Variants in DENND5B observed in about 807,000 individuals in gnomAD.
The protein encoded by DENND5B is DENN domain containing 5B, also known as DENN domain-containing protein 5B.
A neutral mutation model predicts 140.6 loss-of-function variants in DENND5B; 34 were observed. The observed-to-expected ratio is 0.24, with a 90% CI of 0.18 to 0.32. DENND5B has a LOEUF of 0.32. Among genes scored for constraint, DENND5B ranks in the 10% least tolerant of loss-of-function variants. DENND5B has a pLI of 1.00. For synonymous variants in DENND5B, 551 were observed against 562.1 expected (o/e 0.98, Z 0.28); for missense variants, 1,142 against 1,560.2 (o/e 0.73, Z 4.52).
chr12:31,395,993 G>T (rs563085442), intron 17 of DENND5B, among the ~76,000 whole-genome samples: 1 of 139,810 alleles, frequency 7.2e-6, no homozygotes, highest in South Asian at 2.3e-4. Context: ...GTATTCCCTT[G>T]AAATTCTAGG....
At chr12:31,514,442 T>TAC (rs1393947182) in intron 1 of DENND5B, among the ~76,000 whole-genome samples, 4 of 152,314 alleles carry the variant, frequency 2.6e-5, no homozygotes, top group African/African-American at 9.6e-5. Context: ...ACAGGAATAC[T>TAC]ACTGACTTTG....
chr12:31,429,894 A>C (rs1943429767), intron 8 of DENND5B, among the ~76,000 whole-genome samples: 1 of 151,780 alleles, frequency 6.6e-6, no homozygotes, highest in Non-Finnish European at 1.5e-5. Flanking sequence ...TTCAGTACAG[A>C]TGGGGTTTCA....
intron 1 of DENND5B, among the ~76,000 whole-genome samples, chr12:31,575,628 G>C (rs1044440829): frequency 2.0e-5 from 3 of 152,100 alleles, no homozygotes; most frequent in Non-Finnish European, 4.4e-5. Flanking sequence ...GAAATAAAAG[G>C]TACTAAACCC....
chr12:31,496,945 C>T (rs1946783393), intron 1 of DENND5B, among the ~76,000 whole-genome samples: 1 of 152,046 alleles, frequency 6.6e-6, no homozygotes, highest in South Asian at 2.1e-4. Flanking sequence ...TGTTTTCCTA[C>T]TTTTAGAGTT....
chr12:31,589,655 T>C (rs754689110), intron 1 of DENND5B, among the ~76,000 whole-genome samples: 4 of 152,062 alleles, frequency 2.6e-5, no homozygotes, highest in Non-Finnish European at 5.9e-5. Flanking sequence ...AAGGAATTAT[T>C]TGTCCAAAGG....
At chr12:31,536,328 G>A (rs1001338484) in intron 1 of DENND5B, among the ~76,000 whole-genome samples, 3 of 151,988 alleles carry the variant, frequency 2.0e-5, no homozygotes, top group East Asian at 1.9e-4. Context: ...AAGATAACAC[G>A]GAGAAGGAGT....
intron 1 of DENND5B, among the ~76,000 whole-genome samples, chr12:31,527,407 A>G (rs1012199932): frequency 1.3e-5 from 2 of 152,202 alleles, no homozygotes; most frequent in Non-Finnish European, 1.5e-5. Flanking sequence ...CGGCCAGATC[A>G]TATGAGGGAT....
intron 5 of DENND5B, 177 bp downstream of exon 5, chr12:31,451,763 T>G: frequency 1.5e-6 from 1 of 661,650 alleles, no homozygotes; most frequent in African/African-American, 1.8e-5. Context: ...GTAAAAATAC[T>G]TGGTAAAGAA....
At chr12:31,581,693 CA>C (rs139320385) in intron 1 of DENND5B, among the ~76,000 whole-genome samples, 50 of 119,066 alleles carry the variant, frequency 4.2e-4, no homozygotes, top group South Asian at 8.7e-4. Context: ...AACTCTGTCT[CA>C]AAAAAAAAAA....
intron 1 of DENND5B, among the ~76,000 whole-genome samples, chr12:31,567,564 C>T (rs1427934738): frequency 6.7e-6 from 1 of 148,184 alleles, no homozygotes; most frequent in Non-Finnish European, 1.5e-5. Context: ...AATTGGTTTC[C>T]CCACTTCAAA....
chr12:31,557,814 C>CAAA (rs71445804), intron 1 of DENND5B, among the ~76,000 whole-genome samples: 5 of 80,966 alleles, frequency 6.2e-5, no homozygotes, highest in Non-Finnish European at 9.6e-5. Flanking sequence ...GCTGTGGTGG[C>CAAA]AAAAAAAAAA....
intron 5 of DENND5B, among the ~76,000 whole-genome samples, chr12:31,448,191 T>C (rs982705373): frequency 6.6e-6 from 1 of 152,078 alleles, no homozygotes. Flanking sequence ...TGGAGTGCAG[T>C]GGCACGATCT....
At chr12:31,566,503 T>G (rs1949637773) in intron 1 of DENND5B, among the ~76,000 whole-genome samples, 1 of 152,038 alleles carries the variant, frequency 6.6e-6, no homozygotes, top group Non-Finnish European at 1.5e-5. Context: ...GCCCAGTAGC[T>G]CATGCCTATA....
rs1228146316 is a variant in DENND5B, at chr12:31,385,436, A to G, written c.*2167T>C. ...AGCACATTAACCTAAGTCATCCCCC[A>G]GGTTGCCTAGACCTGTCAGGAGCAT... On this transcript the variant is annotated 3_prime_UTR_variant, in exon 21 of 21. Transcript: ENST00000389082. 6.6e-6 allele frequency: 1 copy of G among 152,210 alleles called. No individual in the cohort carries two copies. Among genetic ancestry groups the G allele is most frequent in the Admixed American group, 6.5e-5 (1 of 15,282 alleles). The allele number at this position is 152,210 out of a possible 1,614,324, so 9.4% of individuals were successfully genotyped here. A position where few individuals can be genotyped will look rare whatever the true frequency, so the allele number is the denominator to read the frequency against.
chr12:31,417,314 G>T (rs905837180), intron 11 of DENND5B, among the ~76,000 whole-genome samples: 4 of 130,394 alleles, frequency 3.1e-5, no homozygotes, highest in African/African-American at 1.2e-4. Context: ...CCAAGATCAT[G>T]CCACTGCACT....
intron 2 of DENND5B, among the ~76,000 whole-genome samples, chr12:31,495,538 C>G (rs929445551): frequency 1.3e-5 from 2 of 151,958 alleles, no homozygotes; most frequent in Non-Finnish European, 2.9e-5. Flanking sequence ...GCCACCACAC[C>G]TGGCCAATTT....
rs1945987632 is a variant in DENND5B at position 31,479,851 on chromosome 12, A to T, written c.642T>A (p.Ala214=). 6.2e-7 allele frequency: 1 copy of T among 1,613,836 alleles called. No individual in the cohort carries two copies. The highest frequency in any genetic ancestry group is 1.3e-5 in the African/African-American group (1 of 74,944). Residue 214 remains alanine, a synonymous_variant, in exon 3 of 21, where the codon GCT becomes GCA. Transcript: ENST00000389082. ...CKKFLIQLYK[A]VTSQQPPPLP... is the part of the protein sequence containing the mutation. The stretch of plus-strand genomic sequence containing the variant: ...AGGGTGGTGGCTGCTGTGAGGTAAC[A>T]GCCTTGTAAAGCTGGATAAGGAATT...
chr12:31,545,867 G>GAGGA (rs765188938), intron 1 of DENND5B, among the ~76,000 whole-genome samples: 6 of 141,508 alleles, frequency 4.2e-5, no homozygotes, highest in Non-Finnish European at 9.0e-5. Context: ...GCTGAGGTGG[G>GAGGA]AGGATCACTC....
chr12:31,456,276 GC>G (rs1944772079), intron 4 of DENND5B, among the ~76,000 whole-genome samples: 1 of 147,918 alleles, frequency 6.8e-6, no homozygotes, highest in South Asian at 2.1e-4. Context: ...GTTGCAGTCA[GC>G]TGAGACGGCG....
Sources: gnomAD v4.1 joint callset for allele counts (sites outside exome capture counted in the v4.1 genomes callset) on GRCh38, gnomAD v4.1.1 for gene constraint, MANE v1.5 for transcripts, NCBI Gene and HGNC (gene_info 2026-07-23, HGNC 2026-07-21) for gene names.